SLC30A2: variants seen among roughly 807,000 people sequenced by gnomAD.
SLC30A2 encodes the protein proton-coupled zinc antiporter SLC30A2.
Under a neutral mutation model 39.6 loss-of-function variants are expected in SLC30A2, and 19 were observed. The ratio of observed to expected loss-of-function variants is 0.48; its 90% CI spans 0.34 to 0.70. The LOEUF (loss-of-function observed/expected upper bound fraction) is 0.70. SLC30A2 is among the 30% of genes least tolerant of loss of function. The pLI, the probability that SLC30A2 is intolerant of heterozygous loss-of-function variation, is 0.01. For missense variants in SLC30A2, 387 were observed against 479.4 expected (o/e 0.81, Z 1.80); for synonymous variants, 195 against 194.8 (o/e 1.00, Z -0.01).
At chr1:26,045,590 C>T (rs961587135) in intron 1 of SLC30A2, 24 of 655,494 alleles carry the variant, frequency 3.7e-5, no homozygotes, top group African/African-American at 7.3e-5. Context: ...CTGGGCGGGG[C>T]GGGACTCCAG....
chr1:26,042,865 C>T (rs577200191), intron 4 of SLC30A2, among the ~76,000 whole-genome samples, 157 bp from the exon 5 acceptor site: 5 of 152,342 alleles, frequency 3.3e-5, no homozygotes, highest in Admixed American at 6.5e-5. Flanking sequence ...TTGGTTCAGA[C>T]AGCCATGAGA....
rs1013226499 is a variant in SLC30A2, at chr1:26,045,270, G to GCCGA, written c.51-57_51-54dup. On this transcript the variant is annotated intron_variant, in intron 1 of 7. Transcript: ENST00000374276. ...TCAGCTCTGAGATGAGGTAAGGAGG[G>GCCGA]CCGACTCTAGTCCCATTTCTCTGTG... 4.9e-6 allele frequency: 7 copies of GCCGA among 1,429,810 alleles called. No individual in the cohort carries two copies. The African/African-American group carries it at 9.8e-5, about 20-fold the overall frequency. The allele number at this position is 1,429,810 out of a possible 1,614,324, so 88.6% of individuals were successfully genotyped here. A position where few individuals can be genotyped will look rare whatever the true frequency, so the allele number is the denominator to read the frequency against.
At chr1:26,043,243 G>C (rs1233559319) in intron 4 of SLC30A2, among the ~76,000 whole-genome samples, 155 bp downstream of exon 4, 1 of 152,216 alleles carries the variant, frequency 6.6e-6, no homozygotes, top group Non-Finnish European at 1.5e-5. Context: ...TAGGACCCAG[G>C]TGTTCCAGGT....
chr1:26,039,417 A>G lies in SLC30A2; in HGVS notation c.974-112T>C. 1 of 807,504 alleles carries G rather than the reference A, an allele frequency of 1.2e-6. No homozygotes were observed. The highest frequency in any genetic ancestry group is 2.0e-6 in the Non-Finnish European group (1 of 511,434). 50.0% of individuals were successfully genotyped at this position (807,504 alleles called of 1,614,324 possible). On this transcript the variant is annotated intron_variant, in intron 7 of 7. Transcript: ENST00000374276. The surrounding 1 kb of genome is among the most constrained non-coding windows in gnomAD (Gnocchi z 4.3). The stretch of plus-strand genomic sequence containing the variant: ...AGCAGAACAGGATGGGGGACCATGA[A>G]CATGGAGAAGCCCCCAGATTCCATT...
intron 2 of SLC30A2, 139 bp from the exon 3 acceptor site, chr1:26,044,583 A>T (rs114036239): frequency 4.4e-4 from 339 of 769,258 alleles, no homozygotes; most frequent in Non-Finnish European, 6.6e-4. Flanking sequence ...CCACCGTGAC[A>T]AGTGACCTAC....
chr1:26,040,045 G>A, intron 6 of SLC30A2, 134 bp from the exon 7 acceptor site: 1 of 842,744 alleles, frequency 1.2e-6, no homozygotes, highest in Non-Finnish European at 1.9e-6. Flanking sequence ...GTCTGAGGCT[G>A]CCTTCACCTC....
intron 2 of SLC30A2, 88 bp downstream of exon 2, chr1:26,044,909 A>G: frequency 9.5e-7 from 1 of 1,053,688 alleles, no homozygotes; most frequent in African/African-American, 1.6e-5. Context: ...GTGTGTGTTC[A>G]GTAATTGGGG....
At position 26,037,556 on chromosome 1, in the gene SLC30A2, T is replaced by C. The variant is rs1457467131; in HGVS notation, c.*1604A>G. On this transcript the variant is annotated 3_prime_UTR_variant, in exon 8 of 8. Transcript: ENST00000374276. ...GCCAATGACTGTCTCTTGAGAGGGG[T>C]GTAAGGACTTGGCATACGGCAAAGC... The C allele has an allele frequency of 2.0e-5, 3 of 150,944 alleles. No individual in the cohort carries two copies. In the East Asian group the frequency reaches 5.9e-4, roughly 30 times the overall value. 9.4% of individuals were successfully genotyped at this position (150,944 alleles called of 1,614,324 possible).
intron 6 of SLC30A2, among the ~76,000 whole-genome samples, chr1:26,040,314 T>C (rs982170449): frequency 6.6e-6 from 1 of 152,118 alleles, no homozygotes; most frequent in Non-Finnish European, 1.5e-5. Flanking sequence ...AGTGGCGTGA[T>C]CTTGGCTCAC....
At position 26,037,635 on chromosome 1, in the gene SLC30A2, G is replaced by T. The variant is rs2124418177; in HGVS notation, c.*1525C>A. 6.6e-6 allele frequency: 1 copy of T among 152,292 alleles called. No homozygotes were observed. The highest frequency in any genetic ancestry group is 2.4e-5 in the African/African-American group (1 of 41,498). The allele number at this position is 152,292 out of a possible 1,614,324, so 9.4% of individuals were successfully genotyped here. ...GGCTTGGGTGGGGGTGGGGAGTTGG[G>T]TAGGGGAGGTTGAGTCCCCTGAGAT... On this transcript the variant is annotated 3_prime_UTR_variant, in exon 8 of 8. Transcript: ENST00000374276.
chr1:26,042,376 G>T (rs530908372), intron 5 of SLC30A2, among the ~76,000 whole-genome samples, 173 bp downstream of exon 5: 139 of 152,330 alleles, frequency 9.1e-4, no homozygotes, highest in African/African-American at 3.2e-3. Context: ...GTTGTTGTGA[G>T]GATCAGAAGT....
chr1:26,044,482 G>A (rs1421565044), intron 2 of SLC30A2, 38 bp from the exon 3 acceptor site: 1 of 1,601,266 alleles, frequency 6.2e-7, no homozygotes, highest in African/African-American at 1.3e-5. Flanking sequence ...CCCCCAGAGA[G>A]CTGGCTCCCA....
intron 2 of SLC30A2, among the ~76,000 whole-genome samples, chr1:26,044,711 T>C (rs1231830937): frequency 6.6e-6 from 1 of 152,218 alleles, no homozygotes; most frequent in African/African-American, 2.4e-5. Flanking sequence ...ACTCAGTAAA[T>C]GCTCTTCCCT....
Position 26,038,865 on chromosome 1 carries a change from C to A in SLC30A2, c.*295G>T. 1 of 595,278 alleles carries A rather than the reference C, an allele frequency of 1.7e-6. No individual in the cohort carries two copies. Among genetic ancestry groups the A allele is most frequent in the Non-Finnish European group, 2.3e-6 (1 of 436,054 alleles). 36.9% of individuals were successfully genotyped at this position (595,278 alleles called of 1,614,324 possible). A position where few individuals can be genotyped will look rare whatever the true frequency, so the allele number is the denominator to read the frequency against. On this transcript the variant is annotated 3_prime_UTR_variant, in exon 8 of 8. Coordinates refer to ENST00000374276, the MANE Select transcript of SLC30A2 (RefSeq NM_001004434.3). ...CGTCCCGTGGCTCACCACCTTTGCCCCTGCGAGTGGTAGAACATTTGCTGA... is the reference window on the plus strand; with the variant it reads ...CGTCCCGTGGCTCACCACCTTTGCCACTGCGAGTGGTAGAACATTTGCTGA...
At position 26,037,431 on chromosome 1, in the gene SLC30A2, G is replaced by T. The variant is rs1224471753; in HGVS notation, c.*1729C>A. 4.0e-5 allele frequency: 6 copies of T among 151,864 alleles called. No homozygotes were observed. The highest frequency in any genetic ancestry group is 8.8e-5 in the Non-Finnish European group (6 of 67,978). The allele number at this position is 151,864 out of a possible 1,614,324, so 9.4% of individuals were successfully genotyped here. A position where few individuals can be genotyped will look rare whatever the true frequency, so the allele number is the denominator to read the frequency against. On this transcript the variant is annotated 3_prime_UTR_variant, in exon 8 of 8. Transcript: ENST00000374276. ...GTATTTTTAGTAGAAATGAGGTTTC[G>T]CCATATTGGCCAGGCTGGTCTCGAA...
chr1:26,042,728 G>A lies in SLC30A2; in HGVS notation c.573-20C>T. ...CCCATTCTATGGAAGTGGAGACAAA[G>A]CCAAGGGCTCACTGAGGTCGCAGAT... On this transcript the variant is annotated intron_variant, in intron 4 of 7. Coordinates refer to ENST00000374276, the MANE Select transcript of SLC30A2 (RefSeq NM_001004434.3). 6.2e-7 allele frequency: 1 copy of A among 1,610,530 alleles called. No homozygotes were observed.
Position 26,044,241 on chromosome 1 carries a change from C to T in SLC30A2, c.418+57G>A, listed in dbSNP as rs1569706609. The T allele has an allele frequency of 3.8e-6, 6 of 1,588,536 alleles. No homozygotes were observed. In the East Asian group the frequency reaches 1.1e-4, roughly 30 times the overall value. ...CACCCATTACAGCCACCTAAGAACC[C>T]CTGTTCTAACCCACCCTCTCTCTCA... is the stretch of plus-strand genomic sequence containing the variant. On this transcript the variant is annotated intron_variant, in intron 3 of 7. Transcript: ENST00000374276.
intron 5 of SLC30A2, 101 bp downstream of exon 5, chr1:26,042,448 C>T: frequency 2.8e-6 from 3 of 1,073,880 alleles, no homozygotes; most frequent in Non-Finnish European, 4.1e-6. Flanking sequence ...TTCCCTAGAA[C>T]TGGGAGGGAG....
At chr1:26,045,486 G>A (rs2050451162) in intron 1 of SLC30A2, 2 of 590,282 alleles carry the variant, frequency 3.4e-6, no homozygotes, top group South Asian at 4.0e-5. Flanking sequence ...GCGCGGGGAA[G>A]GAACAGAGCG....
Sources: gnomAD v4.1 joint callset for allele counts (sites outside exome capture counted in the v4.1 genomes callset) on GRCh38, gnomAD v4.1.1 for gene constraint, Gnocchi (gnomAD v3.1) non-coding constraint, MANE v1.5 for transcripts, NCBI Gene and HGNC (gene_info 2026-07-23, HGNC 2026-07-21) for gene names.